Variants in CD164 observed in about 807,000 individuals in gnomAD.
The protein encoded by CD164 is CD164 molecule.
A neutral mutation model predicts 24.6 loss-of-function variants in CD164; 11 were observed. The ratio of observed to expected loss-of-function variants is 0.45; its 90% CI spans 0.28 to 0.74. The LOEUF (loss-of-function observed/expected upper bound fraction) is 0.74, where lower values mean the gene tolerates loss of function less well. CD164 is among the 30% of genes least tolerant of loss of function. The pLI is 0.13. For missense variants in CD164, 295 were observed against 243.7 expected (o/e 1.21, Z -1.40); for synonymous variants, 126 against 100.3 (o/e 1.26, Z -1.53).
intron 4 of CD164, chr6:109,371,741 T>C (rs1186605339): frequency 6.5e-6 from 1 of 153,588 alleles, no homozygotes; most frequent in Non-Finnish European, 1.5e-5. Context: ...GTCCTAAGGG[T>C]AGGGTTCAAA....
chr6:109,372,568 A>C (rs1771140690), intron 4 of CD164: 1 of 152,188 alleles, frequency 6.6e-6, no homozygotes. Flanking sequence ...ACTTCCATCC[A>C]TCCTGCTCTT....
Position 109,382,442 on chromosome 6 carries a change from T to C in CD164, c.-64A>G, listed in dbSNP as rs1157097041. 3 of 1,374,302 alleles carry C rather than the reference T, an allele frequency of 2.2e-6. No homozygotes were observed. The highest frequency in any genetic ancestry group is 1.5e-5 in the African/African-American group (1 of 66,886). 85.1% of individuals were successfully genotyped at this position (1,374,302 alleles called of 1,614,324 possible). A position where few individuals can be genotyped will look rare whatever the true frequency, so the allele number is the denominator to read the frequency against. ...TCGCAACGCTCAGTCAACCCCTCAA[T>C]CCCCTGCGGCGCCGCCTCCGAGACT... is the stretch of plus-strand genomic sequence containing the variant. On this transcript the variant is annotated 5_prime_UTR_variant, in exon 1 of 6. Transcript: ENST00000310786.
chr6:109,374,506 A>G (rs371990469), intron 4 of CD164, among the ~76,000 whole-genome samples: 1 of 152,186 alleles, frequency 6.6e-6, no homozygotes, highest in Non-Finnish European at 1.5e-5. Context: ...TTATTGTAAC[A>G]GGCTATCTAA....
chr6:109,379,627 A>G lies in CD164; in HGVS notation c.211T>C (p.Phe71Leu). Residue 71 changes from phenylalanine to leucine, a missense_variant, in exon 2 of 6, where the codon TTT becomes CTT. Coordinates refer to ENST00000310786, the MANE Select transcript of CD164 (RefSeq NM_006016.6). The part of the protein sequence containing the change: ...CEGRNSCVSC[F>L]NVSVVNTTCF... ...GTAGTATTAACAACGCTAACATTAA[A>G]ACAGGAAACGCAGCTGTTTCGACCT... The G allele has an allele frequency of 1.2e-6, 2 of 1,613,680 alleles. No individual in the cohort carries two copies. The highest frequency in any genetic ancestry group is 8.5e-7 in the Non-Finnish European group (1 of 1,179,870).
intron 3 of CD164, among the ~76,000 whole-genome samples, chr6:109,376,836 A>G (rs1176290247): frequency 6.6e-6 from 1 of 152,220 alleles, no homozygotes; most frequent in Non-Finnish European, 1.5e-5. Context: ...ATATTAAAGT[A>G]ATTACTTAAA....
rs1249686792 is a variant in CD164, at chr6:109,382,337, G to A, written c.42C>T (p.Cys14=). 4 of 1,566,212 alleles carry A rather than the reference G, an allele frequency of 2.6e-6. No individual in the cohort carries two copies. Among genetic ancestry groups the A allele is most frequent in the Non-Finnish European group, 3.4e-6 (4 of 1,161,126 alleles). Residue 14 remains cysteine, a synonymous_variant, in exon 1 of 6, where the codon TGC becomes TGT. Coordinates refer to ENST00000310786, the MANE Select transcript of CD164 (RefSeq NM_006016.6). The part of the protein sequence containing the change: ...LSRSLLWAAT[C]LGVLCVLSAD... Reference sequence around the variant, plus strand: ...CGGACAGCACGCAGAGCACGCCCAGGCAGGTGGCGGCCCAAAGCAGTGAGC... The same window carrying A: ...CGGACAGCACGCAGAGCACGCCCAGACAGGTGGCGGCCCAAAGCAGTGAGC...
chr6:109,376,577 C>CCAGA (rs1325427043), intron 3 of CD164, among the ~76,000 whole-genome samples: 13 of 152,198 alleles, frequency 8.5e-5, no homozygotes, highest in Admixed American at 8.5e-4. Context: ...GAACTCTAGT[C>CCAGA]CAGACTTCCT....
chr6:109,377,433 G>A (rs1771474243), intron 3 of CD164, among the ~76,000 whole-genome samples: 1 of 152,054 alleles, frequency 6.6e-6, no homozygotes, highest in African/African-American at 2.4e-5. Flanking sequence ...GAATAGTAAA[G>A]GTTAAAAATT....
chr6:109,378,731 T>C (rs1299851285), intron 2 of CD164, among the ~76,000 whole-genome samples: 1 of 152,080 alleles, frequency 6.6e-6, no homozygotes, highest in Admixed American at 6.5e-5. Context: ...AATCCCATTT[T>C]ATGACCTAAA....
At position 109,368,896 on chromosome 6, in the gene CD164, A is replaced by C. The variant is rs375553590; in HGVS notation, c.549T>G (p.Leu183=). The part of the protein sequence containing the change: ...VLGVQAVIFF[L]YKFCKSKERN... ...GTTCTTTAGATTTGCAGAATTTATA[A>C]AGAAAGAAAATTACAGCCTGCACAC... Residue 183 remains leucine, a synonymous_variant, in exon 6 of 6, where the codon CTT becomes CTG. Coordinates refer to ENST00000310786, the MANE Select transcript of CD164 (RefSeq NM_006016.6). The C allele has an allele frequency of 2.3e-5, 37 of 1,613,322 alleles. No individual in the cohort carries two copies. The highest frequency in any genetic ancestry group is 3.1e-5 in the Non-Finnish European group (36 of 1,179,744).
At position 109,382,380 on chromosome 6, in the gene CD164, G is replaced by C. The variant is rs1295992328; in HGVS notation, c.-2C>G. 9 of 1,533,630 alleles carry C rather than the reference G, an allele frequency of 5.9e-6. No individual in the cohort carries two copies. The highest frequency in any genetic ancestry group is 1.7e-4 in the Middle Eastern group (1 of 5,974). On this transcript the variant is annotated 5_prime_UTR_variant, in exon 1 of 6. Coordinates refer to ENST00000310786, the MANE Select transcript of CD164 (RefSeq NM_006016.6). ...CAGTGAGCGGGAGAGCCGCGACATC[G>C]TGTCCTCAGCGCTGGCGTTCGGGAG...
intron 1 of CD164, among the ~76,000 whole-genome samples, chr6:109,381,169 C>A (rs1771716689): frequency 6.6e-6 from 1 of 152,178 alleles, no homozygotes; most frequent in African/African-American, 2.4e-5. Context: ...AGGTTTTAAA[C>A]CTCTAGTGTT....
At chr6:109,372,607 C>G (rs1771144069) in intron 4 of CD164, 1 of 152,154 alleles carries the variant, frequency 6.6e-6, no homozygotes, top group African/African-American at 2.4e-5. Context: ...ACTCTCCATG[C>G]TGAGAAAATC....
chr6:109,381,882 A>T (rs1445742701), intron 1 of CD164: 5 of 481,142 alleles, frequency 1.0e-5, no homozygotes, highest in African/African-American at 2.0e-5. Context: ...GAAGGAAGCC[A>T]CGTCCCCATT....
Position 109,376,706 on chromosome 6 carries a change from T to TA in CD164, c.332-595dup, listed in dbSNP as rs570254668. Among the ~76,000 whole-genome samples the TA allele has an allele frequency of 1.2e-3, 185 of 152,342 alleles. 2 individuals are homozygous for TA. Among genetic ancestry groups the TA allele is most frequent in the Middle Eastern group, 3.4e-3 (1 of 294 alleles). The stretch of plus-strand genomic sequence containing the variant: ...ATCATCAAATATGCAGCAGTACAAA[T>TA]ACAGTTTTCCTTTAAATCAGTTTTC... On this transcript the variant is annotated intron_variant, in intron 3 of 5. Transcript: ENST00000310786.
At chr6:109,381,279 C>T (rs1187116934) in intron 1 of CD164, among the ~76,000 whole-genome samples, 1 of 152,130 alleles carries the variant, frequency 6.6e-6, no homozygotes, top group African/African-American at 2.4e-5. Flanking sequence ...CTTAACCAGC[C>T]CTATGCGACT....
At chr6:109,381,432 A>G (rs1771735603) in intron 1 of CD164, 1 of 689,918 alleles carries the variant, frequency 1.4e-6, no homozygotes, top group African/African-American at 1.8e-5. Context: ...TTGAAAAAAG[A>G]ATAAACATAC....
At chr6:109,371,943 G>T (rs946182365) in intron 4 of CD164, 4 of 152,188 alleles carry the variant, frequency 2.6e-5, no homozygotes, top group African/African-American at 9.7e-5. Flanking sequence ...TTATAAAAAT[G>T]TAAGGTGCTA....
chr6:109,378,049 T>C (rs1310366558), intron 2 of CD164, 78 bp from the exon 3 acceptor site: 3 of 1,241,904 alleles, frequency 2.4e-6, no homozygotes, highest in Non-Finnish European at 3.5e-6. Context: ...TACTAAGCTC[T>C]ATGAAATCAA....
Sources: allele counts gnomAD v4.1 joint callset (sites outside exome capture counted in the v4.1 genomes callset), GRCh38; gene constraint gnomAD v4.1.1; transcripts MANE v1.5; gene names NCBI Gene and HGNC (gene_info 2026-07-23, HGNC 2026-07-21).